STAT5B: variants seen among roughly 807,000 people sequenced by gnomAD.
STAT5B encodes the protein transcription factor STAT5B.
Under a neutral mutation model 107.8 loss-of-function variants are expected in STAT5B, and 21 were observed. The ratio of observed to expected loss-of-function variants is 0.19; its 90% confidence interval spans 0.14 to 0.28. The LOEUF (loss-of-function observed/expected upper bound fraction) is 0.28. Ranked by LOEUF, STAT5B falls within the 10% of genes least tolerant of loss-of-function variation. The pLI is 1.00. For synonymous variants in STAT5B, 325 were observed against 401.7 expected, an observed-to-expected ratio of 0.81 and a Z score of 2.28; for missense variants, 565 against 1,008.2, an observed-to-expected ratio of 0.56 and a Z score of 5.95.
chr17:42,230,144 T>G (rs919337389), intron 2 of STAT5B, among the ~76,000 whole-genome samples: 1 of 152,144 alleles, frequency 6.6e-6, no homozygotes, highest in Non-Finnish European at 1.5e-5. Context: ...TAGCTAATTT[T>G]TTTCCCTCAC....
rs528333930 is a variant in STAT5B, at chr17:42,220,260, G to A, written c.551-418C>T. ...CTTTCCTGTGCCTTGGCTTCCCCAC[G>A]TGTAAAACGGGAGATTCTCGGCACC... On this transcript the variant is annotated intron_variant, in intron 5 of 18. Coordinates refer to ENST00000293328, the MANE Select transcript of STAT5B (RefSeq NM_012448.4). 6.6e-5 allele frequency among the ~76,000 whole-genome samples: 10 copies of A among 152,326 alleles called. No homozygotes were observed. In the South Asian group the frequency reaches 1.7e-3, roughly 25 times the overall value.
At chr17:42,243,632 A>G (rs1470337190) in intron 1 of STAT5B, among the ~76,000 whole-genome samples, 1 of 152,210 alleles carries the variant, frequency 6.6e-6, no homozygotes, top group African/African-American at 2.4e-5. Flanking sequence ...TAGGTGAAGT[A>G]TATGCGAGTA....
At chr17:42,233,516 A>G (rs1275937058) in intron 1 of STAT5B, among the ~76,000 whole-genome samples, 1 of 149,170 alleles carries the variant, frequency 6.7e-6, no homozygotes, top group Non-Finnish European at 1.5e-5. Flanking sequence ...TTTGAGACGG[A>G]GTCTTGCTCT....
chr17:42,220,871 T>C (rs915058225), intron 5 of STAT5B, among the ~76,000 whole-genome samples: 4 of 151,864 alleles, frequency 2.6e-5, no homozygotes, highest in African/African-American at 9.7e-5. Context: ...GCTAAGAAAG[T>C]AAACATGTCC....
intron 1 of STAT5B, among the ~76,000 whole-genome samples, chr17:42,264,608 T>C (rs2080651035): frequency 6.6e-6 from 1 of 152,158 alleles, no homozygotes; most frequent in African/African-American, 2.4e-5. Flanking sequence ...AGTCTATCGT[T>C]GTTGGACATC....
At chr17:42,281,384 T>C (rs2080795213), upstream of STAT5B, among the ~76,000 whole-genome samples, 2 of 152,206 alleles carry the variant, frequency 1.3e-5, no homozygotes, top group East Asian at 1.9e-4. Flanking sequence ...TTTCACCACA[T>C]ACCCTTTTGA....
At chr17:42,219,609 C>T in intron 6 of STAT5B, 103 bp downstream of exon 6, 2 of 1,381,100 alleles carry the variant, frequency 1.4e-6, no homozygotes, top group South Asian at 1.3e-5. Flanking sequence ...AGGCCTCCTG[C>T]CCTCCCAGGT....
At chr17:42,285,734 C>A in the STAT5B span, among the ~76,000 whole-genome samples, 2 of 152,206 alleles carry the variant, frequency 1.3e-5, no homozygotes, top group Non-Finnish European at 2.9e-5. Flanking sequence ...CTCTTCCCAA[C>A]CCAACTCTGA....
In STAT5B at chr17:42,207,596, G is replaced by C; in HGVS notation, c.2039C>G (p.Ser680Cys). ...FPDRPKDEVY[S>C]KYYTPVPCES... is the part of the protein sequence containing the mutation. ...GCAGGGAACTGGTGTGTAGTATTTG[G>C]AGTATACTTCATCTTTTGGCCGATC... Residue 680 changes from serine to cysteine, a missense_variant, in exon 16 of 19, where the codon TCC (serine) becomes TGC (cysteine). Transcript: ENST00000293328. 6.2e-7 allele frequency: 1 copy of C among 1,613,956 alleles called. No individual in the cohort carries two copies. Among genetic ancestry groups the C allele is most frequent in the Non-Finnish European group, 8.5e-7 (1 of 1,180,016 alleles).
At chr17:42,277,831 C>T (rs1025166744), upstream of STAT5B, among the ~76,000 whole-genome samples, 5 of 151,184 alleles carry the variant, frequency 3.3e-5, no homozygotes, top group African/African-American at 1.2e-4. Flanking sequence ...TCTCAGCTCA[C>T]GGCAACCTCC....
intron 18 of STAT5B, 181 bp from the exon 19 acceptor site, chr17:42,202,045 CCT>C (rs1053241002): frequency 3.8e-5 from 25 of 653,638 alleles, no homozygotes; most frequent in Non-Finnish European, 4.3e-5. Flanking sequence ...AATACCCTCC[CCT>C]GTTACCTCTC....
At chr17:42,248,039 A>G (rs2080466642) in intron 1 of STAT5B, among the ~76,000 whole-genome samples, 1 of 152,032 alleles carries the variant, frequency 6.6e-6, no homozygotes, top group Non-Finnish European at 1.5e-5. Flanking sequence ...GCACTCTGGG[A>G]GGCCGAGATG....
At chr17:42,242,172 T>C (rs1286207636) in intron 1 of STAT5B, among the ~76,000 whole-genome samples, 1 of 152,080 alleles carries the variant, frequency 6.6e-6, no homozygotes, top group Non-Finnish European at 1.5e-5. Context: ...AAGGAGAAGG[T>C]AGAGAAAGGA....
At chr17:42,223,231 C>T in intron 5 of STAT5B, 151 bp downstream of exon 5, 2 of 1,179,604 alleles carry the variant, frequency 1.7e-6, no homozygotes, top group South Asian at 2.7e-5. Flanking sequence ...ATCCTCTCAG[C>T]ACTGTCTTCA....
At chr17:42,255,872 A>T (rs932099400) in intron 1 of STAT5B, among the ~76,000 whole-genome samples, 7 of 152,050 alleles carry the variant, frequency 4.6e-5, no homozygotes, top group Non-Finnish European at 7.4e-5. Context: ...CGGTTCACCT[A>T]AGGTCAGGAG....
intron 1 of STAT5B, among the ~76,000 whole-genome samples, chr17:42,264,278 A>G (rs981792462): frequency 3.3e-4 from 50 of 151,774 alleles, no homozygotes; most frequent in Admixed American, 5.9e-4. Flanking sequence ...ACATACGTAT[A>G]CATGTGCCAT....
At chr17:42,286,663 G>A in the STAT5B span, among the ~76,000 whole-genome samples, 3 of 152,152 alleles carry the variant, frequency 2.0e-5, no homozygotes, top group Non-Finnish European at 4.4e-5. Flanking sequence ...GTCAGTGCAT[G>A]GCAAGGGTGG....
rs114044990 is a variant in STAT5B at position 42,204,896 on chromosome 17, G to A, written c.2078-2088C>T. Among the ~76,000 whole-genome samples, 382 of 152,288 alleles carry A rather than the reference G, an allele frequency of 2.5e-3. 1 individual carries two copies. Among genetic ancestry groups the A allele is most frequent in the African/African-American group, 8.8e-3 (367 of 41,550 alleles). The stretch of plus-strand genomic sequence containing the variant: ...TCTAATGTGCTGGAATTACAGGCAT[G>A]AGCCACTGTGCCCAGGCCCAAATTA... On this transcript the variant is annotated intron_variant, in intron 16 of 18. Transcript: ENST00000293328.
At chr17:42,233,769 T>A (rs989196256) in intron 1 of STAT5B, 3 of 152,152 alleles carry the variant, frequency 2.0e-5, no homozygotes, top group African/African-American at 7.2e-5. Flanking sequence ...GAATTACAGG[T>A]GTGAGCCACT....
Sources: allele counts gnomAD v4.1 joint callset (sites outside exome capture counted in the v4.1 genomes callset), GRCh38; gene constraint gnomAD v4.1.1; transcripts MANE v1.5; gene names NCBI Gene and HGNC (gene_info 2026-07-23, HGNC 2026-07-21).